LIMS1: variants seen among roughly 807,000 people sequenced by gnomAD.
LIMS1 encodes LIM and senescent cell antigen-like-containing domain protein 1.
Under a neutral mutation model 44.1 loss-of-function variants are expected in LIMS1, and 18 were observed. The ratio of observed to expected loss-of-function variants is 0.41; its 90% confidence interval spans 0.28 to 0.61. The LOEUF is 0.61. LIMS1 is among the 20% of genes least tolerant of loss of function. The probability of loss-of-function intolerance (pLI) is 0.32; values close to 1 mark genes in which losing one functional copy is unlikely to be tolerated. For synonymous variants in LIMS1, 93 were observed against 149.1 expected, an observed-to-expected ratio of 0.62 and a Z score of 2.74; for missense variants, 201 against 422.0, an observed-to-expected ratio of 0.48 and a Z score of 4.59.
At chr2:108,616,007 G>C (rs886954695) in intron 1 of LIMS1, among the ~76,000 whole-genome samples, 1 of 152,078 alleles carries the variant, frequency 6.6e-6, no homozygotes, top group Non-Finnish European at 1.5e-5. Flanking sequence ...CCTTGAAAAC[G>C]TGGGATTGGA....
intron 1 of LIMS1, among the ~76,000 whole-genome samples, chr2:108,555,528 A>C (rs1684897077): frequency 1.3e-5 from 2 of 152,176 alleles, no homozygotes; most frequent in Admixed American, 1.3e-4. Flanking sequence ...GAAGCATCCT[A>C]GTCTGCTTTG....
At chr2:108,642,811 A>T (rs1054570111) in intron 1 of LIMS1, among the ~76,000 whole-genome samples, 1 of 152,152 alleles carries the variant, frequency 6.6e-6, no homozygotes, top group Non-Finnish European at 1.5e-5. Flanking sequence ...GCCATGGCTT[A>T]TGTCAGAGGT....
At chr2:108,611,858 C>CAT (rs1687629111) in intron 1 of LIMS1, among the ~76,000 whole-genome samples, 1 of 84,962 alleles carries the variant, frequency 1.2e-5, no homozygotes, top group Admixed American at 1.6e-4. Context: ...TATATATACA[C>CAT]ACATATATAT....
At chr2:108,646,883 G>A (rs1023898361) in intron 1 of LIMS1, among the ~76,000 whole-genome samples, 6 of 151,924 alleles carry the variant, frequency 3.9e-5, no homozygotes, top group Admixed American at 1.3e-4. Flanking sequence ...CAACACACCC[G>A]GCTAATTTTT....
chr2:108,645,966 C>T (rs1303131649), intron 1 of LIMS1, among the ~76,000 whole-genome samples: 1 of 152,164 alleles, frequency 6.6e-6, no homozygotes, highest in Non-Finnish European at 1.5e-5. Flanking sequence ...AATATATATG[C>T]ACCCAATACA....
At chr2:108,669,337 G>A (rs1326613949) in intron 2 of LIMS1, among the ~76,000 whole-genome samples, 1 of 152,110 alleles carries the variant, frequency 6.6e-6, no homozygotes, top group Non-Finnish European at 1.5e-5. Context: ...GAACCCAAGA[G>A]GCAGAGGTTA....
intron 1 of LIMS1, among the ~76,000 whole-genome samples, chr2:108,650,964 G>C (rs1260852364): frequency 6.6e-6 from 1 of 152,088 alleles, no homozygotes; most frequent in African/African-American, 2.4e-5. Flanking sequence ...TGGGCTCATA[G>C]TAAAAGTTCC....
At chr2:108,610,164 G>A (rs375528428) in intron 1 of LIMS1, among the ~76,000 whole-genome samples, 2 of 80,860 alleles carry the variant, frequency 2.5e-5, no homozygotes, top group Non-Finnish European at 5.7e-5. Flanking sequence ...GTGTGTGTGT[G>A]TGTGTGTGTG....
intron 1 of LIMS1, among the ~76,000 whole-genome samples, chr2:108,583,700 C>CTTTTTTTTTTTTTTTTTTTTTTTTTT (rs759827869): frequency 7.7e-6 from 1 of 129,858 alleles, no homozygotes; most frequent in Non-Finnish European, 1.6e-5. Flanking sequence ...GTTGCTGTTT[C>CTTTTTTTTTTTTTTTTTTTTTTTTTT]TTTTTTTTTT....
At chr2:108,664,274 A>G (rs1691595698) in intron 2 of LIMS1, among the ~76,000 whole-genome samples, 1 of 152,232 alleles carries the variant, frequency 6.6e-6, no homozygotes, top group Admixed American at 6.5e-5. Flanking sequence ...TTGACTGGAA[A>G]TGAGACTTTC....
intron 1 of LIMS1, among the ~76,000 whole-genome samples, chr2:108,624,688 C>CAA (rs1396427052): frequency 6.6e-6 from 1 of 152,160 alleles, no homozygotes; most frequent in Non-Finnish European, 1.5e-5. Flanking sequence ...ACCCAGGAGA[C>CAA]AGAGGTTGCA....
chr2:108,639,002 T>C (rs925849932), intron 1 of LIMS1, among the ~76,000 whole-genome samples: 1 of 151,510 alleles, frequency 6.6e-6, no homozygotes, highest in Admixed American at 6.6e-5. Flanking sequence ...TGGATCGCGC[T>C]ACTGCACTCC....
chr2:108,685,016 T>C (rs1200061067), exon 10 of LIMS1: 1 of 152,148 alleles, frequency 6.6e-6, no homozygotes, highest in African/African-American at 2.4e-5. Flanking sequence ...TGCATTGAGA[T>C]CTGAGATTGG....
upstream of LIMS1, chr2:108,534,334 A>C (rs1684035212): frequency 2.1e-5 from 3 of 144,370 alleles, no homozygotes; most frequent in Non-Finnish European, 1.3e-5. Context: ...CCGCCCCGCC[A>C]GTCCCCGCCC....
At chr2:108,536,088 T>C (rs1361613348) in intron 1 of LIMS1, among the ~76,000 whole-genome samples, 1 of 152,212 alleles carries the variant, frequency 6.6e-6, no homozygotes, top group Non-Finnish European at 1.5e-5. Flanking sequence ...ATAACGGATA[T>C]GTAGTGTAAT....
At chr2:108,617,894 C>T (rs1476546575) in intron 1 of LIMS1, among the ~76,000 whole-genome samples, 1 of 152,128 alleles carries the variant, frequency 6.6e-6, no homozygotes, top group African/African-American at 2.4e-5. Flanking sequence ...CAAGGAGAAC[C>T]CAGCAGTTTG....
chr2:108,652,496 A>T (rs1299792489), intron 1 of LIMS1, among the ~76,000 whole-genome samples: 1 of 152,268 alleles, frequency 6.6e-6, no homozygotes, highest in Non-Finnish European at 1.5e-5. Context: ...TATAAATGAA[A>T]AACACATGAG....
chr2:108,618,543 T>A (rs895759816), intron 1 of LIMS1, among the ~76,000 whole-genome samples: 1 of 152,050 alleles, frequency 6.6e-6, no homozygotes, highest in African/African-American at 2.4e-5. Context: ...AGATCCTGGT[T>A]AGGCGGGGCA....
chr2:108,676,529 T>C, intron 6 of LIMS1, 77 bp from the exon 7 acceptor site: 2 of 1,499,730 alleles, frequency 1.3e-6, no homozygotes, highest in South Asian at 1.3e-5. Context: ...TCTCTGAAAA[T>C]AGGTTAACTC....
Sources: gnomAD v4.1 joint callset for allele counts (sites outside exome capture counted in the v4.1 genomes callset) on GRCh38, gnomAD v4.1.1 for gene constraint, MANE v1.5 for transcripts, NCBI Gene and HGNC (gene_info 2026-07-23, HGNC 2026-07-21) for gene names.